FFAR4: variants seen among roughly 807,000 people sequenced by gnomAD.
FFAR4 encodes G-protein coupled receptor 120.
Under a neutral mutation model 27.0 loss-of-function variants are expected in FFAR4, and 19 were observed. That is an observed-to-expected ratio of 0.70 (90% CI 0.49 to 1.03). The LOEUF (loss-of-function observed/expected upper bound fraction) is 1.03. Ranked by LOEUF, FFAR4 falls within the 50% of genes least tolerant of loss-of-function variation. The pLI, the probability that FFAR4 is intolerant of heterozygous loss-of-function variation, is 0.00. For synonymous variants in FFAR4, 254 were observed against 215.6 expected (o/e 1.18, Z -1.56); for missense variants, 476 against 479.0 (o/e 0.99, Z 0.06).
rs2058103730 is a variant in FFAR4, at chr10:93,567,214, A to T, written c.494A>T (p.Tyr165Phe). The T allele has an allele frequency of 6.2e-7, 1 of 1,601,990 alleles. No individual in the cohort carries two copies. The highest frequency in any genetic ancestry group is 8.5e-7 in the Non-Finnish European group (1 of 1,179,530). ...GTGCTGCTGGCGCTCATCTGGGGCT[A>T]TTCGGCGGTCGCCGCTCTGCCTCTC... ...RAVLLALIWG[Y>F]SAVAALPLCV... Residue 165 changes from tyrosine (Y) to phenylalanine (F), a missense_variant, in exon 1 of 3, where the codon TAT becomes TTT. Physicochemically the swap from Tyr to Phe is conservative, Grantham distance 22. Coordinates refer to ENST00000371481, the MANE Select transcript of FFAR4 (RefSeq NM_001195755.2).
At chr10:93,585,491 C>A (rs1198823301) in intron 2 of FFAR4, among the ~76,000 whole-genome samples, 6 of 152,172 alleles carry the variant, frequency 3.9e-5, no homozygotes, top group African/African-American at 1.4e-4. Flanking sequence ...CAGAGCTTTC[C>A]AGTCATTTTT....
At chr10:93,579,048 C>A (rs2058183601) in intron 2 of FFAR4, 1 of 911,898 alleles carries the variant, frequency 1.1e-6, no homozygotes, top group Non-Finnish European at 1.8e-6. Context: ...ATTCTGAGAC[C>A]TGAGGAGTTG....
intron 1 of FFAR4, among the ~76,000 whole-genome samples, chr10:93,570,188 T>TCTCA (rs112078364): frequency 0.022 from 3,219 of 148,742 alleles, 93 homozygotes; most frequent in African/African-American, 0.067. Context: ...TCTGTCTCTC[T>TCTCA]CACACACACA....
chr10:93,588,504 A>T lies in FFAR4; in HGVS notation c.*895A>T, dbSNP rs1379512524. ...CTCTGAAATGTTTGAGAGTGAGTTC[A>T]GGAGTGGTTTACTCCTGACGCATCC... is the stretch of plus-strand genomic sequence containing the variant. On this transcript the variant is annotated 3_prime_UTR_variant, in exon 3 of 3. Transcript: ENST00000371481. 3 of 152,096 alleles carry T rather than the reference A, an allele frequency of 2.0e-5. No individual in the cohort carries two copies. Among genetic ancestry groups the T allele is most frequent in the African/African-American group, 7.2e-5 (3 of 41,400 alleles). 9.4% of individuals were successfully genotyped at this position (152,096 alleles called of 1,614,324 possible). A position where few individuals can be genotyped will look rare whatever the true frequency, so the allele number is the denominator to read the frequency against.
In FFAR4 at chr10:93,590,027, A is replaced by G. The variant is rs1040136240; in HGVS notation, c.*2418A>G. On this transcript the variant is annotated 3_prime_UTR_variant, in exon 3 of 3. Transcript: ENST00000371481. ...ACAAACGAACAGAGATGTTTTGCTC[A>G]CTTTAGTTAATAGATTTGATCAATT... The G allele has an allele frequency of 6.6e-6, 1 of 152,210 alleles. No individual in the cohort carries two copies. The highest frequency in any genetic ancestry group is 1.5e-5 in the Non-Finnish European group (1 of 68,042). 9.4% of individuals were successfully genotyped at this position (152,210 alleles called of 1,614,324 possible).
intron 2 of FFAR4, among the ~76,000 whole-genome samples, chr10:93,580,884 A>AT (rs111644498): frequency 7.0e-4 from 106 of 152,132 alleles, no homozygotes; most frequent in African/African-American, 2.5e-3. Flanking sequence ...CATCTTCAAT[A>AT]TTTTTTCCAA....
chr10:93,584,883 AT>A (rs1274298739), intron 2 of FFAR4, among the ~76,000 whole-genome samples: 7 of 151,658 alleles, frequency 4.6e-5, no homozygotes, highest in African/African-American at 1.2e-4. Flanking sequence ...ATTTTTTTGT[AT>A]TTTTAGTAGA....
chr10:93,572,382 C>T (rs929775364), intron 1 of FFAR4, among the ~76,000 whole-genome samples: 1 of 152,158 alleles, frequency 6.6e-6, no homozygotes, highest in Non-Finnish European at 1.5e-5. Flanking sequence ...GCAGTGAGTG[C>T]TGTTCTGAAA....
intron 1 of FFAR4, among the ~76,000 whole-genome samples, chr10:93,571,518 C>T (rs1459669840): frequency 6.6e-6 from 1 of 152,114 alleles, no homozygotes; most frequent in African/African-American, 2.4e-5. Context: ...CTTTTGGGTC[C>T]CTCTGGATAC....
intron 2 of FFAR4, among the ~76,000 whole-genome samples, chr10:93,578,071 T>C (rs1196604336): frequency 6.6e-6 from 1 of 151,990 alleles, no homozygotes; most frequent in African/African-American, 2.4e-5. Context: ...TTGCAAACAC[T>C]TTGCAAACTG....
intron 2 of FFAR4, among the ~76,000 whole-genome samples, chr10:93,583,291 C>T (rs1281374254): frequency 1.3e-5 from 2 of 151,272 alleles, no homozygotes; most frequent in Non-Finnish European, 2.9e-5. Context: ...TGGCGGGCGC[C>T]TGTAGTCCCA....
At chr10:93,578,428 A>G (rs866366574) in intron 2 of FFAR4, among the ~76,000 whole-genome samples, 3 of 149,640 alleles carry the variant, frequency 2.0e-5, no homozygotes, top group African/African-American at 7.6e-5. Context: ...AAAAAAAAAA[A>G]AAAAAAAAAA....
chr10:93,574,437 C>G (rs960332898), intron 1 of FFAR4, among the ~76,000 whole-genome samples: 1 of 152,098 alleles, frequency 6.6e-6, no homozygotes, highest in East Asian at 1.9e-4. Flanking sequence ...CCATTTCTTC[C>G]GATTGATGCT....
chr10:93,576,858 T>G (rs1352670562), intron 2 of FFAR4, among the ~76,000 whole-genome samples: 1 of 152,230 alleles, frequency 6.6e-6, no homozygotes, highest in Non-Finnish European at 1.5e-5. Flanking sequence ...GAATGTATAC[T>G]TTTTAAAACA....
chr10:93,583,246 C>CAAAAAAAAA (rs56030960), intron 2 of FFAR4, among the ~76,000 whole-genome samples: 4 of 102,266 alleles, frequency 3.9e-5, no homozygotes, highest in East Asian at 3.8e-4. Flanking sequence ...ACTAAAAATA[C>CAAAAAAAAA]AAAAAAAAAA....
intron 2 of FFAR4, among the ~76,000 whole-genome samples, chr10:93,583,198 C>T (rs1248581021): frequency 6.9e-6 from 1 of 145,566 alleles, no homozygotes; most frequent in African/African-American, 2.6e-5. Context: ...GTCAGGAGTT[C>T]GAGACCATCC....
chr10:93,571,993 C>A (rs564672892), intron 1 of FFAR4, among the ~76,000 whole-genome samples: 2 of 152,314 alleles, frequency 1.3e-5, no homozygotes, highest in East Asian at 3.9e-4. Flanking sequence ...GGAGGGTCAG[C>A]ATTTCCACAG....
At position 93,566,807 on chromosome 10, in the gene FFAR4, C is replaced by G. The variant is rs146373216; in HGVS notation, c.87C>G (p.Ser29=). 1 of 1,607,220 alleles carries G rather than the reference C, an allele frequency of 6.2e-7. No homozygotes were observed. The highest frequency in any genetic ancestry group is 1.3e-5 in the African/African-American group (1 of 74,762). ...QANRTRFPFF[S]DVKGDHRLVL... is the part of the protein sequence containing the mutation. ...ACCGCACCCGCTTTCCCTTCTTCTCCGACGTCAAGGGCGACCACCGGCTGG... is the reference window on the plus strand; with the variant it reads ...ACCGCACCCGCTTTCCCTTCTTCTCGGACGTCAAGGGCGACCACCGGCTGG... The change falls in exon 1 of 3, where the codon TCC becomes TCG. Residue 29 remains serine, a synonymous_variant. Transcript: ENST00000371481.
chr10:93,570,663 GC>G (rs1408502959), intron 1 of FFAR4, among the ~76,000 whole-genome samples: 3 of 152,154 alleles, frequency 2.0e-5, no homozygotes, highest in Non-Finnish European at 4.4e-5. Flanking sequence ...CGACCCAAGA[GC>G]CTTCCTGAAA....
Sources: allele counts gnomAD v4.1 joint callset (sites outside exome capture counted in the v4.1 genomes callset), GRCh38; gene constraint gnomAD v4.1.1; transcripts MANE v1.5; gene names NCBI Gene and HGNC (gene_info 2026-07-23, HGNC 2026-07-21).